Variants in SHANK2 observed in about 807,000 individuals in gnomAD.
The protein encoded by SHANK2 is SH3 and multiple ankyrin repeat domains protein 2.
Under a neutral mutation model 133.7 loss-of-function variants are expected in SHANK2, and 43 were observed. The ratio of observed to expected loss-of-function variants is 0.32; its 90% CI spans 0.25 to 0.41. SHANK2 has a LOEUF of 0.41. SHANK2 is among the 10% of genes least tolerant of loss of function. The probability of loss-of-function intolerance (pLI) is 1.00; values close to 1 mark genes in which losing one functional copy is unlikely to be tolerated. For synonymous variants in SHANK2, 1,017 were observed against 952.8 expected (o/e 1.07, Z -1.24); for missense variants, 1,994 against 2,235.8 (o/e 0.89, Z 2.18).
intron 17 of SHANK2, among the ~76,000 whole-genome samples, chr11:70,597,094 G>A (rs190082249): frequency 1.3e-5 from 2 of 152,172 alleles, no homozygotes; most frequent in African/African-American, 2.4e-5. Flanking sequence ...TGCTCAGGGG[G>A]TGACTGTTCC....
At chr11:70,615,245 C>T (rs763380963) in intron 17 of SHANK2, among the ~76,000 whole-genome samples, 6 of 152,122 alleles carry the variant, frequency 3.9e-5, no homozygotes, top group African/African-American at 2.4e-5. Context: ...GCCCACACCC[C>T]GCTCCTCCTG....
intron 2 of SHANK2, among the ~76,000 whole-genome samples, chr11:71,164,867 T>C (rs782721190): frequency 1.3e-5 from 2 of 152,176 alleles, no homozygotes; most frequent in Non-Finnish European, 2.9e-5. Context: ...AGTCACCTGC[T>C]TGGGGACGGC....
intron 3 of SHANK2, among the ~76,000 whole-genome samples, chr11:71,142,379 T>C (rs1952573060): frequency 6.6e-6 from 1 of 152,156 alleles, no homozygotes; most frequent in African/African-American, 2.4e-5. Flanking sequence ...CGCATGCCTA[T>C]AATCCCAGCT....
At chr11:70,544,994 G>A (rs1237906524) in intron 17 of SHANK2, among the ~76,000 whole-genome samples, 2 of 152,142 alleles carry the variant, frequency 1.3e-5, no homozygotes, top group African/African-American at 2.4e-5. Flanking sequence ...GGTGGACCTC[G>A]GGAGCTTCTC....
intron 2 of SHANK2, among the ~76,000 whole-genome samples, chr11:71,183,140 G>A (rs1439598571): frequency 6.6e-6 from 1 of 152,144 alleles, no homozygotes; most frequent in East Asian, 1.9e-4. Context: ...CACAGACAAG[G>A]CTTTCTGGAA....
In SHANK2 at chr11:71,075,898, C is replaced by T. The variant is rs955851713; in HGVS notation, c.913-623G>A. Among the ~76,000 whole-genome samples the T allele has an allele frequency of 4.5e-3, 693 of 152,318 alleles. 2 individuals are homozygous for T. The highest frequency in any genetic ancestry group is 0.015 in the African/African-American group (633 of 41,574). On this transcript the variant is annotated intron_variant, in intron 8 of 25. Transcript: ENST00000601538. The stretch of plus-strand genomic sequence containing the variant: ...ACTGCAACATGTGTGACTTGTGAAC[C>T]GTCAGGGCCCAGGGGTCAAACAGAC...
intron 17 of SHANK2, among the ~76,000 whole-genome samples, chr11:70,575,577 C>T (rs1554984079): frequency 6.6e-6 from 1 of 151,762 alleles, no homozygotes; most frequent in African/African-American, 2.4e-5. Flanking sequence ...GACACAGAGT[C>T]CCCTGGGGTG....
intron 15 of SHANK2, among the ~76,000 whole-genome samples, chr11:70,667,239 T>C (rs782176277): frequency 7.9e-5 from 12 of 152,162 alleles, no homozygotes; most frequent in Admixed American, 2.0e-4. Context: ...GGGAGCCATA[T>C]TGGCTTCCCG....
chr11:70,501,258 C>T (rs893513574), intron 20 of SHANK2, among the ~76,000 whole-genome samples: 2 of 152,366 alleles, frequency 1.3e-5, no homozygotes, highest in African/African-American at 2.4e-5. Flanking sequence ...CCGGCCTCAG[C>T]GCCCTGGGCC....
chr11:70,951,746 A>G (rs1950848254), intron 10 of SHANK2, among the ~76,000 whole-genome samples: 1 of 152,232 alleles, frequency 6.6e-6, no homozygotes, highest in South Asian at 2.1e-4. Flanking sequence ...TCTGAATTCC[A>G]GGTGTTGGCA....
intron 15 of SHANK2, among the ~76,000 whole-genome samples, chr11:70,666,769 C>A (rs1200263310): frequency 1.3e-5 from 2 of 152,180 alleles, no homozygotes; most frequent in Non-Finnish European, 2.9e-5. Flanking sequence ...TGATCACGTG[C>A]CTGAAGTAGG....
At chr11:71,247,514 A>G (rs1439015126) in intron 1 of SHANK2, among the ~76,000 whole-genome samples, 1 of 146,994 alleles carries the variant, frequency 6.8e-6, no homozygotes, top group Non-Finnish European at 1.5e-5. Context: ...GGGACAGACA[A>G]AAAAAAAAAA....
intron 17 of SHANK2, among the ~76,000 whole-genome samples, chr11:70,613,511 C>A (rs2060694203): frequency 6.6e-6 from 1 of 151,928 alleles, no homozygotes; most frequent in Non-Finnish European, 1.5e-5. Flanking sequence ...CCATGTTTTT[C>A]TTTTTTTAAA....
At chr11:70,571,343 C>T (rs9888234) in intron 17 of SHANK2, 105,058 of 152,184 alleles carry the variant, frequency 0.69, 36,760 homozygotes, top group South Asian at 0.85. Flanking sequence ...ATCCACAGCC[C>T]GAAAATGGAA....
chr11:70,855,526 A>G (rs1219491543), intron 11 of SHANK2, among the ~76,000 whole-genome samples: 1 of 152,248 alleles, frequency 6.6e-6, no homozygotes, highest in Non-Finnish European at 1.5e-5. Context: ...AGCTCTGACC[A>G]GGGCATCTGC....
rs186668832 is a variant in SHANK2, at chr11:70,547,721, C to T, written c.2062-44790G>A. On this transcript the variant is annotated intron_variant, in intron 17 of 25. Transcript: ENST00000601538. ...GAAAAGAAAAGCAACTTCTCTGGGA[C>T]CCCCGCTTGAATAGCTGACTTGAAA... Among the ~76,000 whole-genome samples, 6 of 152,296 alleles carry T rather than the reference C, an allele frequency of 3.9e-5. No individual in the cohort carries two copies. In the East Asian group the frequency reaches 1.2e-3, roughly 29 times the overall value.
At chr11:71,205,695 C>T (rs141903747) in intron 2 of SHANK2, among the ~76,000 whole-genome samples, 1 of 152,304 alleles carries the variant, frequency 6.6e-6, no homozygotes, top group Middle Eastern at 3.4e-3. Flanking sequence ...TCTGCTAATG[C>T]TCCCTCCCCA....
At chr11:70,559,678 A>G (rs2059881757) in intron 17 of SHANK2, among the ~76,000 whole-genome samples, 1 of 152,042 alleles carries the variant, frequency 6.6e-6, no homozygotes, top group African/African-American at 2.4e-5. Flanking sequence ...GATCATTTTC[A>G]TAGGAATTGA....
At chr11:70,599,238 G>A (rs2060443743) in intron 17 of SHANK2, among the ~76,000 whole-genome samples, 1 of 152,138 alleles carries the variant, frequency 6.6e-6, no homozygotes, top group Admixed American at 6.6e-5. Flanking sequence ...AGTGACATCA[G>A]TGAAACTACC....
Sources: allele counts gnomAD v4.1 joint callset (sites outside exome capture counted in the v4.1 genomes callset), GRCh38; gene constraint gnomAD v4.1.1; transcripts MANE v1.5; gene names NCBI Gene and HGNC (gene_info 2026-07-23, HGNC 2026-07-21).